The following ABCC1 variants were observed in gnomAD, a reference collection of about 807,000 sequenced individuals.
The protein encoded by ABCC1 is ATP binding cassette subfamily C member 1 (ABCC1 blood group), also known as multidrug resistance-associated protein 1.
Under a neutral mutation model 172.9 loss-of-function variants are expected in ABCC1, and 83 were observed. That is an observed-to-expected ratio of 0.48 (90% CI 0.40 to 0.58). The LOEUF (loss-of-function observed/expected upper bound fraction) is 0.58. Ranked by LOEUF, ABCC1 falls within the 20% of genes least tolerant of loss-of-function variation. The pLI, the probability that ABCC1 is intolerant of heterozygous loss-of-function variation, is 0.00. For missense variants in ABCC1, 1,817 were observed against 2,002.7 expected (o/e 0.91, Z 1.77); for synonymous variants, 937 against 825.2 (o/e 1.14, Z -2.32).
At chr16:16,055,081 T>C (rs2049592364) in intron 11 of ABCC1, among the ~76,000 whole-genome samples, 1 of 151,976 alleles carries the variant, frequency 6.6e-6, no homozygotes, top group South Asian at 2.1e-4. Context: ...AATACAAAAA[T>C]GAACTGGGTG....
At chr16:16,110,807 C>T (rs1394705072) in intron 21 of ABCC1, among the ~76,000 whole-genome samples, 1 of 152,182 alleles carries the variant, frequency 6.6e-6, no homozygotes, top group Non-Finnish European at 1.5e-5. Flanking sequence ...CGTTTACAGC[C>T]CTTCTCTGTG....
chr16:16,113,651 C>G (rs1489311437), intron 22 of ABCC1, among the ~76,000 whole-genome samples: 1 of 151,944 alleles, frequency 6.6e-6, no homozygotes, highest in Non-Finnish European at 1.5e-5. Flanking sequence ...TGAGAGAGAC[C>G]CCATCTCAAA....
Position 16,069,667 on chromosome 16 carries a change from T to C in ABCC1, c.1824+1365T>C, listed in dbSNP as rs568883745. 2.0e-5 allele frequency among the ~76,000 whole-genome samples: 3 copies of C among 151,596 alleles called. No individual in the cohort carries two copies. In the South Asian group the frequency reaches 6.2e-4, roughly 31 times the overall value. The stretch of plus-strand genomic sequence containing the variant: ...AAAAAATCCATTTTATTATGAAAAA[T>C]GTCAAGTGTACACAGAAGTAGAATA... On this transcript the variant is annotated intron_variant, in intron 13 of 30. Coordinates refer to ENST00000399410, the MANE Select transcript of ABCC1 (RefSeq NM_004996.4).
At chr16:16,006,946 T>G (rs1349079482) in intron 1 of ABCC1, among the ~76,000 whole-genome samples, 2 of 151,674 alleles carry the variant, frequency 1.3e-5, no homozygotes, top group Non-Finnish European at 2.9e-5. Context: ...GTGTTGGCAG[T>G]GATATTGGTG....
intron 14 of ABCC1, among the ~76,000 whole-genome samples, chr16:16,073,878 A>AT (rs2050449639): frequency 6.6e-6 from 1 of 152,180 alleles, no homozygotes; most frequent in Non-Finnish European, 1.5e-5. Flanking sequence ...ATGTCAGAAG[A>AT]TTGAATGTGT....
intron 26 of ABCC1, among the ~76,000 whole-genome samples, chr16:16,127,146 C>T: frequency 6.6e-6 from 1 of 152,206 alleles, no homozygotes; most frequent in East Asian, 1.9e-4. Flanking sequence ...ATAACAGGGA[C>T]ACACATAGTG....
intron 10 of ABCC1, 136 bp from the exon 11 acceptor site, chr16:16,052,588 T>C: frequency 1.4e-6 from 1 of 715,670 alleles, no homozygotes. Context: ...AACACCCTAT[T>C]GTGGGGTAAA....
chr16:16,064,397 C>T (rs1242564792), intron 12 of ABCC1, among the ~76,000 whole-genome samples: 1 of 152,192 alleles, frequency 6.6e-6, no homozygotes, highest in African/African-American at 2.4e-5. Flanking sequence ...TCAGGGTTGC[C>T]AAGCCCACCT....
At chr16:16,071,242 G>T (rs1026500459) in intron 13 of ABCC1, among the ~76,000 whole-genome samples, 7 of 150,812 alleles carry the variant, frequency 4.6e-5, no homozygotes, top group African/African-American at 1.7e-4. Flanking sequence ...GTGCCACCAT[G>T]CCAGGCTAAT....
chr16:15,972,772 G>A (rs2046398021), intron 1 of ABCC1, among the ~76,000 whole-genome samples: 1 of 142,214 alleles, frequency 7.0e-6, no homozygotes, highest in Non-Finnish European at 1.5e-5. Flanking sequence ...TGTCCAACAT[G>A]TACTTATTTT....
intron 4 of ABCC1, among the ~76,000 whole-genome samples, chr16:16,015,276 A>G (rs2047953424): frequency 1.3e-5 from 2 of 152,008 alleles, no homozygotes; most frequent in African/African-American, 4.8e-5. Context: ...AGTAGCTGGG[A>G]CCACAGGCAC....
intron 1 of ABCC1, among the ~76,000 whole-genome samples, chr16:15,987,804 A>T (rs2046775098): frequency 6.6e-6 from 1 of 152,064 alleles, no homozygotes; most frequent in Non-Finnish European, 1.5e-5. Context: ...ACTGCTTGTT[A>T]TTCTTCAGAC....
rs376755469 is a variant in ABCC1, at chr16:16,056,746, T to G, written c.1677+451T>G. Among the ~76,000 whole-genome samples the G allele has an allele frequency of 3.6e-4, 55 of 152,252 alleles. 1 individual carries two copies. The highest frequency in any genetic ancestry group is 1.2e-3 in the Admixed American group (18 of 15,294). On this transcript the variant is annotated intron_variant, in intron 12 of 30. Transcript: ENST00000399410. The stretch of plus-strand genomic sequence containing the variant: ...TTTAAACATTTGCCATCTTCTCCAT[T>G]CTCCTTTGTTTTATTCACACTTAGC...
chr16:15,980,643 A>G (rs552326988), intron 1 of ABCC1, among the ~76,000 whole-genome samples: 12 of 152,262 alleles, frequency 7.9e-5, no homozygotes, highest in East Asian at 5.8e-4. Flanking sequence ...CCCACAACAC[A>G]TGGGGATTAT....
chr16:16,077,113 A>G (rs1005590309), intron 15 of ABCC1, among the ~76,000 whole-genome samples: 1 of 152,204 alleles, frequency 6.6e-6, no homozygotes, highest in African/African-American at 2.4e-5. Flanking sequence ...CAACTTGTCA[A>G]GCACCTCTCA....
rs748165606 is a variant in ABCC1, at chr16:16,007,975, C to A, written c.208C>A (p.Leu70Ile). 6.3e-7 allele frequency: 1 copy of A among 1,586,624 alleles called. No individual in the cohort carries two copies. The highest frequency in any genetic ancestry group is 8.6e-7 in the Non-Finnish European group (1 of 1,168,084). The change falls in exon 2 of 31, where the codon CTC becomes ATC. Residue 70 changes from leucine (L) to isoleucine (I), a missense_variant. By Grantham distance (5) the Leu-to-Ile change is conservative. Coordinates refer to ENST00000399410, the MANE Select transcript of ABCC1 (RefSeq NM_004996.4). Reference sequence around the variant, plus strand: ...CCGAGGCTACATTCAGATGACACCTCTCAACAAAACCAAAACTGTAAGTCA... The same window carrying A: ...CCGAGGCTACATTCAGATGACACCTATCAACAAAACCAAAACTGTAAGTCA... ...HDRGYIQMTP[L>I]NKTKTALGFL...
chr16:15,999,239 T>C (rs935592799), intron 1 of ABCC1, among the ~76,000 whole-genome samples: 2 of 151,984 alleles, frequency 1.3e-5, no homozygotes, highest in African/African-American at 4.8e-5. Flanking sequence ...TCTCCTAACC[T>C]CATGATTCTC....
intron 5 of ABCC1, among the ~76,000 whole-genome samples, chr16:16,021,767 A>T (rs1597130150): frequency 6.6e-6 from 1 of 152,148 alleles, no homozygotes; most frequent in Non-Finnish European, 1.5e-5. Flanking sequence ...CTACCTAGCA[A>T]CGTAGCCTAG....
At chr16:16,110,783 G>A (rs752983028) in intron 21 of ABCC1, among the ~76,000 whole-genome samples, 3 of 152,156 alleles carry the variant, frequency 2.0e-5, no homozygotes, top group Non-Finnish European at 4.4e-5. Context: ...TTATACTCAC[G>A]TGGAATTGTG....
Sources: allele counts gnomAD v4.1 joint callset (sites outside exome capture counted in the v4.1 genomes callset), GRCh38; gene constraint gnomAD v4.1.1; transcripts MANE v1.5; gene names NCBI Gene and HGNC (gene_info 2026-07-23, HGNC 2026-07-21).